Variants in LRP4 observed in about 807,000 individuals in gnomAD.
The protein encoded by LRP4 is low-density lipoprotein receptor-related protein 4.
Under a neutral mutation model 220.3 loss-of-function variants are expected in LRP4, and 95 were observed. That is an observed-to-expected ratio of 0.43 (90% CI 0.37 to 0.51). The LOEUF is 0.51. Ranked by LOEUF, LRP4 falls within the 20% of genes least tolerant of loss-of-function variation. LRP4 has a pLI of 0.00. For missense variants in LRP4, 1,925 were observed against 2,567.0 expected (o/e 0.75, Z 5.40); for synonymous variants, 903 against 954.6 (o/e 0.95, Z 1.00).
chr11:46,892,572 T>G (rs1419579715), intron 13 of LRP4, among the ~76,000 whole-genome samples: 1 of 146,278 alleles, frequency 6.8e-6, no homozygotes, highest in Non-Finnish European at 1.5e-5. Context: ...CATCATACTT[T>G]TTTTTTTTTT....
chr11:46,896,783 A>G (rs753504030), intron 8 of LRP4, 86 bp downstream of exon 8: 38 of 1,598,974 alleles, frequency 2.4e-5, no homozygotes, highest in Non-Finnish European at 3.2e-5. Context: ...CCTCAACCCA[A>G]CTGGAAAGAT....
intron 1 of LRP4, among the ~76,000 whole-genome samples, chr11:46,910,680 C>CTTTTTTTTTTTTTTTTTT (rs56889464): frequency 8.1e-6 from 1 of 123,814 alleles, no homozygotes; most frequent in African/African-American, 3.1e-5. Flanking sequence ...TCCTTGCCCC[C>CTTTTTTTTTTTTTTTTTT]TTTTTTTTTT....
In LRP4 at chr11:46,900,290, A is replaced by C; in HGVS notation, c.288T>G (p.Cys96Trp). 6.2e-7 allele frequency: 1 copy of C among 1,614,016 alleles called. No individual in the cohort carries two copies. Among genetic ancestry groups the C allele is most frequent in the Non-Finnish European group, 8.5e-7 (1 of 1,179,926 alleles). The change falls in exon 3 of 38, where the codon TGT becomes TGG. Residue 96 changes from cysteine (C) to tryptophan (W), a missense_variant. Cys to Trp is a radical substitution (Grantham distance 215). Coordinates refer to ENST00000378623, the MANE Select transcript of LRP4 (RefSeq NM_002334.4). ...RSWVCDGDNDCEDDSDEQDCP... is the reference protein window; with the variant it reads ...RSWVCDGDNDWEDDSDEQDCP... The stretch of plus-strand genomic sequence containing the variant: ...AGTCCTGCTCATCCGAGTCATCCTC[A>C]CAGTCGTTGTCCCCGTCACACACCC...
rs748194419 is a variant in LRP4, at chr11:46,899,834, G to A, written c.430+29C>T. 6.3e-7 allele frequency: 1 copy of A among 1,595,408 alleles called. No homozygotes were observed. Among genetic ancestry groups the A allele is most frequent in the Admixed American group, 1.7e-5 (1 of 60,016 alleles). ...GGCCAGGCCACCCACTGGCCACCTT[G>A]CCTGCCTTCCCCCGTTGGGGTCACC... On this transcript the variant is annotated intron_variant, in intron 4 of 37. Transcript: ENST00000378623. This position sits in a 1 kb window ranked among gnomAD's most constrained non-coding sequence, Gnocchi z 5.9.
Position 46,878,910 on chromosome 11 carries a change from G to C in LRP4, c.3133C>G (p.Pro1045Ala). The C allele has an allele frequency of 6.2e-7, 1 of 1,614,184 alleles. No individual in the cohort carries two copies. Among genetic ancestry groups the C allele is most frequent in the Non-Finnish European group, 8.5e-7 (1 of 1,180,048 alleles). The change falls in exon 22 of 38, where the codon CCA (proline) becomes GCA (alanine). Residue 1045 changes from proline to alanine, a missense_variant. This residue lies in a region of LRP4 where 1,244 missense variants were observed against 1,624.9 expected (regional missense o/e 0.77). Transcript: ENST00000378623. ...GATCTGTGATGCTTTCACTCACCTG[G>C]TGAGCAGGTCTTGCCATCAGACAGC... ...NLLSDGKTCSPGMNSFLIFAR... is the reference protein window; with the variant it reads ...NLLSDGKTCSAGMNSFLIFAR...
chr11:46,895,441 C>G, intron 10 of LRP4, 150 bp from the exon 11 acceptor site: 1 of 1,042,746 alleles, frequency 9.6e-7, no homozygotes, highest in Non-Finnish European at 1.5e-6. Context: ...GGCGGCCGGG[C>G]GTGGTGGCGC....
At position 46,896,893 on chromosome 11, in the gene LRP4, C is replaced by T. The variant is rs1941543653; in HGVS notation, c.898G>A (p.Asp300Asn). The T allele has an allele frequency of 6.2e-7, 1 of 1,614,222 alleles. No individual in the cohort carries two copies. Among genetic ancestry groups the T allele is most frequent in the Non-Finnish European group, 8.5e-7 (1 of 1,180,028 alleles). ...DGEDDCADNS[D>N]EENCENTGSP... ...CCTGTATTCTCACAGTTCTCTTCATCGCTGTTGTCTGCACAGTCGTCCTCC... is the reference window on the plus strand; with the variant it reads ...CCTGTATTCTCACAGTTCTCTTCATTGCTGTTGTCTGCACAGTCGTCCTCC... The change falls in exon 8 of 38, where the codon GAT becomes AAT. Residue 300 changes from aspartate (D) to asparagine (N), a missense_variant. Transcript: ENST00000378623.
At chr11:46,859,433 A>C (rs760177890) in intron 37 of LRP4, 118 bp from the exon 38 acceptor site, 3 of 772,454 alleles carry the variant, frequency 3.9e-6, no homozygotes, top group Non-Finnish European at 6.9e-6. Context: ...CAAAAATCCC[A>C]CAAACAAATG....
At chr11:46,876,915 A>T in intron 23 of LRP4, 85 bp from the exon 24 acceptor site, 1 of 1,088,250 alleles carries the variant, frequency 9.2e-7, no homozygotes, top group Non-Finnish European at 1.4e-6. Context: ...GAAACACCAG[A>T]GCATGTCAGA....
At chr11:46,884,046 C>G in intron 18 of LRP4, 70 bp from the exon 19 acceptor site, 1 of 1,244,600 alleles carries the variant, frequency 8.0e-7, no homozygotes, top group Non-Finnish European at 1.2e-6. Context: ...ATGGCCAACA[C>G]AAGAGCCTGG....
chr11:46,873,842 G>T lies in LRP4; in HGVS notation c.4230-249C>A, dbSNP rs1332206943. The T allele has an allele frequency of 4.6e-5, 23 of 501,888 alleles. No homozygotes were observed. In the South Asian group the frequency reaches 7.0e-4, roughly 15 times the overall value. 31.1% of individuals were successfully genotyped at this position (501,888 alleles called of 1,614,324 possible). On this transcript the variant is annotated intron_variant, in intron 28 of 37. Transcript: ENST00000378623. The surrounding 1 kb of genome is among the most constrained non-coding windows in gnomAD (Gnocchi z 4.2). ...ACTGGACATAGTGGCGGTTGCCAGGGGATGTCTTGCTAGAAGACAAGTTTA... is the reference window on the plus strand; with the variant it reads ...ACTGGACATAGTGGCGGTTGCCAGGTGATGTCTTGCTAGAAGACAAGTTTA...
chr11:46,889,862 A>AG, intron 15 of LRP4, 82 bp downstream of exon 15: 1 of 1,492,070 alleles, frequency 6.7e-7, no homozygotes. Context: ...GGCAACTCTA[A>AG]GGGGAAGGAA....
At chr11:46,884,462 C>A (rs552476659) in intron 18 of LRP4, among the ~76,000 whole-genome samples, 1 of 151,980 alleles carries the variant, frequency 6.6e-6, no homozygotes, top group Admixed American at 6.6e-5. Flanking sequence ...ATTGGCCGGG[C>A]GCAGTGGCTC....
chr11:46,897,377 T>TC (rs1941560466), intron 7 of LRP4, among the ~76,000 whole-genome samples: 13 of 147,682 alleles, frequency 8.8e-5, no homozygotes, highest in Admixed American at 6.1e-4. Context: ...TATTTTTTTT[T>TC]ATTTTTTAAT....
At chr11:46,874,646 G>C (rs866807715) in intron 28 of LRP4, among the ~76,000 whole-genome samples, 154 bp downstream of exon 28, 15 of 152,160 alleles carry the variant, frequency 9.9e-5, no homozygotes, top group African/African-American at 3.6e-4. Flanking sequence ...AAACTCTGCT[G>C]TAAGTGACAA....
At chr11:46,867,245 A>G (rs1314490199) in intron 34 of LRP4, among the ~76,000 whole-genome samples, 1 of 152,044 alleles carries the variant, frequency 6.6e-6, no homozygotes, top group Non-Finnish European at 1.5e-5. Context: ...GGGGGGGTGC[A>G]CATGACATTA....
rs2134861393 is a variant in LRP4 at position 46,898,646 on chromosome 11, G to A, written c.708C>T (p.Phe236=). ...SSHQPCRSGE[F]MCDSGLCINA... ...TGATGCACAGGCCACTGTCACACAT[G>A]AACTCCCCAGAGCGGCAGGGCTGGT... Residue 236 remains phenylalanine (F), a synonymous_variant, in exon 7 of 38, where the codon TTC becomes TTT. Coordinates refer to ENST00000378623, the MANE Select transcript of LRP4 (RefSeq NM_002334.4). The A allele has an allele frequency of 6.2e-7, 1 of 1,614,174 alleles. No homozygotes were observed. Among genetic ancestry groups the A allele is most frequent in the Non-Finnish European group, 8.5e-7 (1 of 1,180,046 alleles).
chr11:46,902,193 A>G (rs1017219627), intron 2 of LRP4, among the ~76,000 whole-genome samples: 1 of 151,736 alleles, frequency 6.6e-6, no homozygotes, highest in African/African-American at 2.4e-5. Context: ...CCTCATCTCT[A>G]CTAAAAATAC....
chr11:46,875,308 G>A lies in LRP4; in HGVS notation c.3925+148C>T. The A allele has an allele frequency of 1.1e-6, 1 of 899,112 alleles. No individual in the cohort carries two copies. Among genetic ancestry groups the A allele is most frequent in the Non-Finnish European group, 1.8e-6 (1 of 568,442 alleles). The allele number at this position is 899,112 out of a possible 1,614,324, so 55.7% of individuals were successfully genotyped here. A position where few individuals can be genotyped will look rare whatever the true frequency, so the allele number is the denominator to read the frequency against. On this transcript the variant is annotated intron_variant, in intron 27 of 37. Coordinates refer to ENST00000378623, the MANE Select transcript of LRP4 (RefSeq NM_002334.4). The surrounding 1 kb of genome is among the most constrained non-coding windows in gnomAD (Gnocchi z 4.5). ...CTGTAGTACCAGCCATACCCAGAGA[G>A]AACACAGCCCAATCTGGAAGGGAGC...
Sources: allele counts gnomAD v4.1 joint callset (sites outside exome capture counted in the v4.1 genomes callset), GRCh38; gene constraint gnomAD v4.1.1; regional missense constraint gnomAD v4.1.1; non-coding constraint Gnocchi (gnomAD v3.1); transcripts MANE v1.5; gene names NCBI Gene and HGNC (gene_info 2026-07-23, HGNC 2026-07-21).